Variants in TNIK observed in about 807,000 individuals in gnomAD.
TNIK encodes TRAF2 and NCK interacting kinase.
Under a neutral mutation model 191.3 loss-of-function variants are expected in TNIK, and 49 were observed. That is an observed-to-expected ratio of 0.26 (90% CI 0.20 to 0.32). The LOEUF is 0.32. Ranked by LOEUF, TNIK falls within the 10% of genes least tolerant of loss-of-function variation. TNIK has a pLI of 1.00. For missense variants in TNIK, 1,155 were observed against 1,702.3 expected (o/e 0.68, Z 5.66); for synonymous variants, 594 against 600.9 (o/e 0.99, Z 0.17).
chr3:171,248,653 A>T (rs1452196820), intron 2 of TNIK, among the ~76,000 whole-genome samples: 1 of 152,216 alleles, frequency 6.6e-6, no homozygotes, highest in Admixed American at 6.5e-5. Flanking sequence ...TAAGATTGGG[A>T]TGCTGTACAT....
chr3:171,353,733 T>A (rs1433295289), intron 2 of TNIK, among the ~76,000 whole-genome samples: 1 of 152,262 alleles, frequency 6.6e-6, no homozygotes, highest in Non-Finnish European at 1.5e-5. Flanking sequence ...AGCAATATTC[T>A]TCTGCAATGT....
rs17217524 is a variant in TNIK, at chr3:171,113,840, C to T, written c.2121-2963G>A. Among the ~76,000 whole-genome samples, 82 of 151,852 alleles carry T rather than the reference C, an allele frequency of 5.4e-4. 2 individuals carry two copies. The East Asian group carries it at 0.015, about 27-fold the overall frequency. On this transcript the variant is annotated intron_variant, in intron 18 of 32. Coordinates refer to ENST00000436636, the MANE Select transcript of TNIK (RefSeq NM_015028.4). ...TGAGCTTAGCTGGATATACACAGCC[C>T]ATTTCAACATGCTTTGCCTGCGTTG...
At chr3:171,289,170 A>C (rs1019092896) in intron 2 of TNIK, among the ~76,000 whole-genome samples, 1 of 152,186 alleles carries the variant, frequency 6.6e-6, no homozygotes, top group Non-Finnish European at 1.5e-5. Flanking sequence ...AAAATGGTGA[A>C]TGTCCCAAAT....
chr3:171,296,688 G>A (rs1278293461), intron 2 of TNIK, among the ~76,000 whole-genome samples: 2 of 152,126 alleles, frequency 1.3e-5, no homozygotes, highest in Non-Finnish European at 2.9e-5. Context: ...AATAAGATGG[G>A]CAAAATATTG....
At chr3:171,148,656 G>T (rs909772456) in intron 12 of TNIK, among the ~76,000 whole-genome samples, 1 of 152,152 alleles carries the variant, frequency 6.6e-6, no homozygotes, top group Non-Finnish European at 1.5e-5. Flanking sequence ...CTCCCGAGAT[G>T]ATACTAAAGA....
At chr3:171,187,865 G>C (rs1737556412) in intron 7 of TNIK, among the ~76,000 whole-genome samples, 2 of 152,164 alleles carry the variant, frequency 1.3e-5, no homozygotes, top group African/African-American at 4.8e-5. Context: ...AAGTTGTCCT[G>C]TAATGTACAC....
chr3:171,427,921 A>G (rs761506056), intron 1 of TNIK, among the ~76,000 whole-genome samples: 11 of 152,254 alleles, frequency 7.2e-5, no homozygotes, highest in Non-Finnish European at 1.3e-4. Context: ...GGAGAAGAGC[A>G]CTCCTACGTG....
At chr3:171,403,970 A>C (rs1721321959) in intron 1 of TNIK, among the ~76,000 whole-genome samples, 1 of 152,232 alleles carries the variant, frequency 6.6e-6, no homozygotes, top group African/African-American at 2.4e-5. Context: ...AATTAGAGGC[A>C]AAGAGGTCAC....
chr3:171,364,745 G>A (rs1297709084), intron 2 of TNIK, among the ~76,000 whole-genome samples: 1 of 152,130 alleles, frequency 6.6e-6, no homozygotes, highest in African/African-American at 2.4e-5. Flanking sequence ...AGAGGCAGTG[G>A]CTAGCTGTAA....
At chr3:171,424,135 A>G (rs1202275237) in intron 1 of TNIK, among the ~76,000 whole-genome samples, 1 of 152,222 alleles carries the variant, frequency 6.6e-6, no homozygotes. Context: ...ACAAATTTAC[A>G]AGAAAAAACA....
At chr3:171,212,882 G>A (rs1399030641) in intron 3 of TNIK, among the ~76,000 whole-genome samples, 3 of 142,794 alleles carry the variant, frequency 2.1e-5, no homozygotes, top group Non-Finnish European at 4.5e-5. Flanking sequence ...TAAGCTTTAG[G>A]AAAAAACAAA....
intron 12 of TNIK, among the ~76,000 whole-genome samples, chr3:171,155,566 T>C (rs541046054): frequency 6.6e-6 from 1 of 152,334 alleles, no homozygotes; most frequent in East Asian, 1.9e-4. Context: ...ATTGACAGGG[T>C]GTGTCTCTGG....
intron 1 of TNIK, among the ~76,000 whole-genome samples, chr3:171,441,615 CA>C (rs1027729443): frequency 2.6e-5 from 4 of 152,182 alleles, no homozygotes; most frequent in African/African-American, 9.7e-5. Flanking sequence ...TCCTCATGAA[CA>C]CTCCTGTACA....
intron 2 of TNIK, among the ~76,000 whole-genome samples, chr3:171,301,825 A>G (rs1005602359): frequency 2.0e-5 from 3 of 152,164 alleles, no homozygotes; most frequent in Admixed American, 6.5e-5. Flanking sequence ...ATTGGTGTCA[A>G]ATTCCTTGGT....
At chr3:171,328,706 T>G (rs1756086816) in intron 2 of TNIK, among the ~76,000 whole-genome samples, 1 of 152,150 alleles carries the variant, frequency 6.6e-6, no homozygotes, top group Admixed American at 6.5e-5. Context: ...GATTTGAGAT[T>G]TATTGCTTGT....
At chr3:171,279,166 G>T (rs1292150212) in intron 2 of TNIK, among the ~76,000 whole-genome samples, 1 of 151,600 alleles carries the variant, frequency 6.6e-6, no homozygotes, top group Non-Finnish European at 1.5e-5. Context: ...AACAAATTTT[G>T]AAAGTGGGAT....
chr3:171,429,596 A>G (rs1725097663), intron 1 of TNIK, among the ~76,000 whole-genome samples: 1 of 152,220 alleles, frequency 6.6e-6, no homozygotes, highest in Non-Finnish European at 1.5e-5. Flanking sequence ...AAACATCTTC[A>G]AAAATCCAGC....
chr3:171,098,336 T>C (rs983640098), intron 22 of TNIK, among the ~76,000 whole-genome samples: 12 of 152,212 alleles, frequency 7.9e-5, no homozygotes, highest in Non-Finnish European at 1.5e-5. Flanking sequence ...ATGCCCATCA[T>C]ATAATTGGGG....
chr3:171,324,078 T>C (rs1755478952), intron 2 of TNIK, among the ~76,000 whole-genome samples: 1 of 152,036 alleles, frequency 6.6e-6, no homozygotes, highest in South Asian at 2.1e-4. Flanking sequence ...TGCAATGTAA[T>C]CCCAGTAGCT....
Sources: gnomAD v4.1 joint callset for allele counts (sites outside exome capture counted in the v4.1 genomes callset) on GRCh38, gnomAD v4.1.1 for gene constraint, MANE v1.5 for transcripts, NCBI Gene and HGNC (gene_info 2026-07-23, HGNC 2026-07-21) for gene names.